Variants in CFAP70 observed in about 807,000 individuals in gnomAD.
The protein encoded by CFAP70 is cilia and flagella associated protein 70.
Under a neutral mutation model 137.6 loss-of-function variants are expected in CFAP70, and 81 were observed. The observed-to-expected ratio is 0.59, with a 90% CI of 0.49 to 0.71. The LOEUF (loss-of-function observed/expected upper bound fraction) is 0.71, where lower values mean the gene tolerates loss of function less well. Ranked by LOEUF, CFAP70 falls within the 30% of genes least tolerant of loss-of-function variation. The pLI, the probability that CFAP70 is intolerant of heterozygous loss-of-function variation, is 0.00. For missense variants in CFAP70, 976 were observed against 1,226.7 expected (o/e 0.80, Z 3.05); for synonymous variants, 382 against 423.6 (o/e 0.90, Z 1.20).
intron 25 of CFAP70, among the ~76,000 whole-genome samples, chr10:73,269,357 TATGTTGTGATACA>T (rs2046048944): frequency 6.6e-6 from 1 of 152,210 alleles, no homozygotes; most frequent in Admixed American, 6.5e-5. Context: ...TGACCTAGTT[TATGTTGTGATACA>T]ATATTGCTCC....
intron 26 of CFAP70, among the ~76,000 whole-genome samples, chr10:73,255,063 G>A (rs920400073): frequency 6.6e-6 from 1 of 152,096 alleles, no homozygotes; most frequent in Non-Finnish European, 1.5e-5. Flanking sequence ...AGGAGTTTGA[G>A]ACCAGCCTGG....
exon 8 of CFAP70, chr10:73,331,255 A>G (rs1339117609): frequency 6.2e-7 from 1 of 1,613,484 alleles, no homozygotes; most frequent in Non-Finnish European, 8.5e-7. Flanking sequence ...AAAGCCGGCA[A>G]TCGGCAATTC....
At chr10:73,341,820 C>T (rs953764221) in intron 5 of CFAP70, among the ~76,000 whole-genome samples, 3 of 152,180 alleles carry the variant, frequency 2.0e-5, no homozygotes, top group African/African-American at 7.2e-5. Context: ...TATGCAGATA[C>T]AGTTTGTCCA....
At chr10:73,331,114 G>T in intron 8 of CFAP70, 63 bp downstream of exon 9, 1 of 1,168,846 alleles carries the variant, frequency 8.6e-7, no homozygotes. Flanking sequence ...AATTGAAGCA[G>T]AATAACAGGT....
intron 13 of CFAP70, 29 bp from the exon 15 acceptor site, chr10:73,299,130 G>T: frequency 1.3e-6 from 2 of 1,539,894 alleles, no homozygotes; most frequent in Non-Finnish European, 8.9e-7. Context: ...TCTGGTAGAC[G>T]CCTCAGAGAG....
At position 73,291,874 on chromosome 10, in the gene CFAP70, C is replaced by T; in HGVS notation, c.1904+7G>A. The T allele has an allele frequency of 6.2e-7, 1 of 1,614,116 alleles. No homozygotes were observed. Among genetic ancestry groups the T allele is most frequent in the Non-Finnish European group, 8.5e-7 (1 of 1,179,988 alleles). Reference sequence around the variant, plus strand: ...CCACTGATTCCTCATCTCCCTTCCACCTATACCTGTGGATATGACTCTGGT... The same window carrying T: ...CCACTGATTCCTCATCTCCCTTCCATCTATACCTGTGGATATGACTCTGGT... On this transcript the variant is annotated splice_region_variant and intron_variant, in intron 17 of 26. Transcript: ENST00000310715.
chr10:73,302,278 TAAA>T (rs1486468775), intron 12 of CFAP70, among the ~76,000 whole-genome samples: 1 of 152,074 alleles, frequency 6.6e-6, no homozygotes, highest in Non-Finnish European at 1.5e-5. Context: ...GCTGGAGAGA[TAAA>T]GAAGGCCAGG....
At chr10:73,338,428 ATC>A (rs1284422442) in intron 6 of CFAP70, among the ~76,000 whole-genome samples, 17 of 134,950 alleles carry the variant, frequency 1.3e-4, no homozygotes, top group East Asian at 2.2e-4. Context: ...TCATATGTGA[ATC>A]TCTTTTTTTT....
intron 9 of CFAP70, among the ~76,000 whole-genome samples, chr10:73,316,489 T>TATATATATATATATATATATAG: frequency 9.6e-6 from 1 of 103,956 alleles, no homozygotes; most frequent in African/African-American, 3.8e-5. Flanking sequence ...TAGATATAGA[T>TATATATATATATATATATATAG]ATATATATAT....
At chr10:73,274,779 T>C in intron 22 of CFAP70, 185 bp from the exon 24 acceptor site, 1 of 574,180 alleles carries the variant, frequency 1.7e-6, no homozygotes, top group Non-Finnish European at 2.9e-6. Context: ...CAAGGAGACA[T>C]TTTTCTAGCT....
At chr10:73,327,770 C>G (rs906825565) in intron 8 of CFAP70, among the ~76,000 whole-genome samples, 1 of 152,020 alleles carries the variant, frequency 6.6e-6, no homozygotes, top group African/African-American at 2.4e-5. Context: ...ACCTAGGAAT[C>G]CAACTTACAA....
At chr10:73,277,962 G>A (rs1003172479) in intron 20 of CFAP70, among the ~76,000 whole-genome samples, 1 of 152,156 alleles carries the variant, frequency 6.6e-6, no homozygotes, top group Non-Finnish European at 1.5e-5. Flanking sequence ...TTTTAAAAAC[G>A]AAGAACTGTT....
At chr10:73,339,028 T>G (rs1300874510) in intron 6 of CFAP70, among the ~76,000 whole-genome samples, 1 of 151,902 alleles carries the variant, frequency 6.6e-6, no homozygotes, top group African/African-American at 2.4e-5. Context: ...AAGTGATTCT[T>G]GTGCTTCAGC....
chr10:73,319,307 G>T (rs1272134777), intron 9 of CFAP70, among the ~76,000 whole-genome samples: 1 of 152,072 alleles, frequency 6.6e-6, no homozygotes, highest in Non-Finnish European at 1.5e-5. Flanking sequence ...TCAACTATAT[G>T]GTCCTTTGTT....
intron 19 of CFAP70, among the ~76,000 whole-genome samples, chr10:73,288,020 C>T (rs1035410006): frequency 6.6e-6 from 1 of 152,112 alleles, no homozygotes; most frequent in Non-Finnish European, 1.5e-5. Context: ...GCCTCAGCCT[C>T]CTGAGCTGCT....
At chr10:73,302,797 A>G (rs913379459) in intron 12 of CFAP70, among the ~76,000 whole-genome samples, 1 of 152,118 alleles carries the variant, frequency 6.6e-6, no homozygotes, top group Non-Finnish European at 1.5e-5. Flanking sequence ...GCAGTTTGGT[A>G]TACCCATGCC....
chr10:73,298,771 G>C (rs1564804747), intron 14 of CFAP70, 136 bp downstream of exon 15: 3 of 682,300 alleles, frequency 4.4e-6, no homozygotes, highest in African/African-American at 3.7e-5. Context: ...CTCTATCATA[G>C]AGAACTTAGC....
At position 73,275,505 on chromosome 10, in the gene CFAP70, T is replaced by C. The variant is rs1475416325; in HGVS notation, c.2614A>G (p.Lys872Glu). The change falls in exon 22 of 27, where the codon AAG (lysine) becomes GAG (glutamate). Residue 872 changes from lysine (K) to glutamate (E), a missense_variant. Transcript: ENST00000310715. This position sits in a 1 kb window ranked among gnomAD's most constrained non-coding sequence, Gnocchi z 4.0. ...TCCTCTGCCTTGGCAAAGTTCTTCT[T>C]AAGAATGTGTGTTTGGGCCAGCACC... 1 of 1,611,920 alleles carries C rather than the reference T, an allele frequency of 6.2e-7. No individual in the cohort carries two copies. The highest frequency in any genetic ancestry group is 1.7e-5 in the Admixed American group (1 of 59,676).
intron 5 of CFAP70, among the ~76,000 whole-genome samples, 182 bp downstream of exon 6, chr10:73,344,883 G>A (rs1170947379): frequency 3.3e-5 from 5 of 151,868 alleles, no homozygotes; most frequent in East Asian, 1.9e-4. Context: ...TATATAATAT[G>A]TAAATTATAA....
Sources: gnomAD v4.1 joint callset for allele counts (sites outside exome capture counted in the v4.1 genomes callset) on GRCh38, gnomAD v4.1.1 for gene constraint, Gnocchi (gnomAD v3.1) non-coding constraint, MANE v1.5 for transcripts, NCBI Gene and HGNC (gene_info 2026-07-23, HGNC 2026-07-21) for gene names.